RIMS3: variants seen among roughly 807,000 people sequenced by gnomAD.
The protein encoded by RIMS3 is regulating synaptic membrane exocytosis protein 3.
RIMS3 carries 15 observed loss-of-function variants against 29.2 expected under a neutral mutation model. That is an observed-to-expected ratio of 0.51 (90% CI 0.34 to 0.79). RIMS3 has a LOEUF of 0.79. RIMS3 is among the 30% of genes least tolerant of loss of function. The pLI is 0.01. For missense variants in RIMS3, 342 were observed against 421.4 expected, an observed-to-expected ratio of 0.81 and a Z score of 1.65; for synonymous variants, 161 against 170.1, an observed-to-expected ratio of 0.95 and a Z score of 0.41.
chr1:40,637,282 TC>T (rs966944018), intron 3 of RIMS3, among the ~76,000 whole-genome samples: 3 of 152,280 alleles, frequency 2.0e-5, no homozygotes, highest in East Asian at 3.9e-4. Context: ...TCCTCCTGCT[TC>T]GTCTGCTTAT....
intron 1 of RIMS3, among the ~76,000 whole-genome samples, chr1:40,664,718 C>A (rs1363269635): frequency 2.0e-5 from 3 of 152,218 alleles, no homozygotes; most frequent in South Asian, 2.1e-4. Flanking sequence ...CTGAGTTGTC[C>A]AGAGGTGATG....
rs542532218 is a variant in RIMS3, at chr1:40,661,593, C to A, written c.-207+3801G>T. Among the ~76,000 whole-genome samples, 3 of 152,340 alleles carry A rather than the reference C, an allele frequency of 2.0e-5. No homozygotes were observed. The East Asian group carries it at 5.8e-4, about 29-fold the overall frequency. On this transcript the variant is annotated intron_variant, in intron 1 of 7. Coordinates refer to ENST00000372684, the MANE Select transcript of RIMS3 (RefSeq NM_014747.3). ...GCTCCCACCCCCAGCCAGCCCTGGG[C>A]CCGGCCCAGAGTTGATGTCAGCCCC...
In RIMS3 at chr1:40,654,855, T is replaced by C. The variant is rs1156879417; in HGVS notation, c.-206-7013A>G. ...ACACACACTTAAACTCTCTCATACA[T>C]ACACACACACATTATGCCTTCACAG... On this transcript the variant is annotated intron_variant, in intron 1 of 7. Transcript: ENST00000372684. This position sits in a 1 kb window ranked among gnomAD's most constrained non-coding sequence, Gnocchi z 5.3. Among the ~76,000 whole-genome samples, 2 of 151,922 alleles carry C rather than the reference T, an allele frequency of 1.3e-5. No individual in the cohort carries two copies. Among genetic ancestry groups the C allele is most frequent in the Admixed American group, 6.6e-5 (1 of 15,250 alleles).
chr1:40,658,785 G>A (rs1642308541), intron 1 of RIMS3, among the ~76,000 whole-genome samples: 1 of 152,194 alleles, frequency 6.6e-6, no homozygotes, highest in Non-Finnish European at 1.5e-5. Flanking sequence ...TGGCCCTCCA[G>A]GTCCCGCCTT....
chr1:40,663,633 A>T (rs66493118), intron 1 of RIMS3, among the ~76,000 whole-genome samples: 2,087 of 152,324 alleles, frequency 0.014, 27 homozygotes, highest in Non-Finnish European at 0.02. Flanking sequence ...TGGGAAGCCC[A>T]GAGAGTAGCA....
At chr1:40,690,407 G>A in the RIMS3 span, 1 of 151,698 alleles carries the variant, frequency 6.6e-6, no homozygotes, top group Non-Finnish European at 1.5e-5. Flanking sequence ...TGTCGCCCAT[G>A]CTAGAGTGCA....
At chr1:40,672,023 G>C in the RIMS3 span, among the ~76,000 whole-genome samples, 2 of 151,922 alleles carry the variant, frequency 1.3e-5, no homozygotes, top group Non-Finnish European at 2.9e-5. Context: ...CTCCCAAAGT[G>C]CTGAGATTAC....
intron 7 of RIMS3, among the ~76,000 whole-genome samples, chr1:40,628,426 G>A (rs571632944): frequency 5.9e-5 from 9 of 152,364 alleles, no homozygotes; most frequent in African/African-American, 2.2e-4. Flanking sequence ...TCCGTAAAGT[G>A]AAGAGAATCA....
the RIMS3 span, among the ~76,000 whole-genome samples, chr1:40,685,309 TATATATAATTATTAATATATA>T: frequency 1.7e-4 from 3 of 17,816 alleles, no homozygotes; most frequent in Admixed American, 1.2e-3. Context: ...TATATATTAA[TATATATAATTATTAATATATA>T]ATATAATTAT....
In RIMS3 at chr1:40,635,920, C is replaced by T. The variant is rs757843833; in HGVS notation, c.355G>A (p.Gly119Ser). The T allele has an allele frequency of 1.7e-5, 27 of 1,612,818 alleles. 1 individual carries two copies. In the Admixed American group the frequency reaches 2.0e-4, roughly 12 times the overall value. ...DGSTNSNSSD[G>S]TFIFPTTRLG... is the part of the protein sequence containing the mutation. ...ACAGCACGGGGCTGCACGCACGTGC[C>T]GTCGGAGCTGTTGCTGTTGGTGCTC... Residue 119 changes from glycine (G) to serine (S), a missense_variant, in exon 4 of 8, where the codon GGC (glycine) becomes AGC (serine). Transcript: ENST00000372684. This position sits in a 1 kb window ranked among gnomAD's most constrained non-coding sequence, Gnocchi z 4.1.
intron 1 of RIMS3, among the ~76,000 whole-genome samples, chr1:40,651,302 G>A (rs1421264956): frequency 1.3e-5 from 2 of 152,172 alleles, no homozygotes; most frequent in Non-Finnish European, 2.9e-5. Flanking sequence ...CGGGGAGAGC[G>A]CCATGTGCCG....
intron 5 of RIMS3, 92 bp from the exon 6 acceptor site, chr1:40,629,464 T>C: frequency 9.7e-7 from 1 of 1,029,788 alleles, no homozygotes; most frequent in Non-Finnish European, 1.5e-6. Flanking sequence ...TGGAGGAGGC[T>C]ACATCATCAC....
intron 5 of RIMS3, among the ~76,000 whole-genome samples, chr1:40,630,941 CAGGCAGGAGCTCCT>C (rs1279741644): frequency 3.3e-5 from 5 of 152,222 alleles, no homozygotes; most frequent in African/African-American, 1.2e-4. Flanking sequence ...CCTGTTCCAG[CAGGCAGGAGCTCCT>C]GGGCAGGAGC....
the RIMS3 span, chr1:40,692,056 G>A: frequency 9.5e-6 from 2 of 211,010 alleles, no homozygotes; most frequent in African/African-American, 2.4e-5. Context: ...CCGCGCTCGT[G>A]GGGTCCGTGT....
At chr1:40,668,491 C>CGGGGGGGGGGGGGGGGG (rs56114535), upstream of RIMS3, among the ~76,000 whole-genome samples, 2 of 51,586 alleles carry the variant, frequency 3.9e-5, no homozygotes, top group African/African-American at 7.7e-5. Context: ...GGGTTGTGGG[C>CGGGGGGGGGGGGGGGGG]GGGGGGGGGG....
At chr1:40,688,268 T>A in the RIMS3 span, among the ~76,000 whole-genome samples, 1 of 152,200 alleles carries the variant, frequency 6.6e-6, no homozygotes, top group Non-Finnish European at 1.5e-5. Flanking sequence ...TGGCCAGCGC[T>A]GCTTTTCTTT....
At chr1:40,689,781 A>G in the RIMS3 span, among the ~76,000 whole-genome samples, 1 of 152,204 alleles carries the variant, frequency 6.6e-6, no homozygotes, top group African/African-American at 2.4e-5. Flanking sequence ...GACTGTTATC[A>G]GTTATAACAT....
the RIMS3 span, chr1:40,691,928 G>A: frequency 3.0e-6 from 1 of 338,224 alleles, no homozygotes. Flanking sequence ...CGGGGGGAGG[G>A]GCAGCGCTTC....
At chr1:40,666,334 A>T (rs2148366774), upstream of RIMS3, among the ~76,000 whole-genome samples, 1 of 152,302 alleles carries the variant, frequency 6.6e-6, no homozygotes, top group East Asian at 1.9e-4. Flanking sequence ...TTTCCCAACG[A>T]GGAGGTTGCT....
Sources: allele counts gnomAD v4.1 joint callset (sites outside exome capture counted in the v4.1 genomes callset), GRCh38; gene constraint gnomAD v4.1.1; non-coding constraint Gnocchi (gnomAD v3.1); transcripts MANE v1.5; gene names NCBI Gene and HGNC (gene_info 2026-07-23, HGNC 2026-07-21).